FOXJ3: variants seen among roughly 807,000 people sequenced by gnomAD.
FOXJ3 encodes the protein forkhead box J3.
A neutral mutation model predicts 76.1 loss-of-function variants in FOXJ3; 22 were observed. The observed-to-expected ratio is 0.29, with a 90% CI of 0.21 to 0.41. FOXJ3 has a LOEUF of 0.41. Among genes scored for constraint, FOXJ3 ranks in the 10% least tolerant of loss-of-function variants. The pLI is 1.00. For missense variants in FOXJ3, 613 were observed against 762.1 expected, an observed-to-expected ratio of 0.80 and a Z score of 2.30; for synonymous variants, 269 against 261.2, an observed-to-expected ratio of 1.03 and a Z score of -0.29.
intron 1 of FOXJ3, among the ~76,000 whole-genome samples, chr1:42,316,334 T>G (rs112566240): frequency 1.2e-4 from 7 of 60,852 alleles, no homozygotes; most frequent in African/African-American, 4.6e-4. Context: ...GCATTGGGCC[T>G]TTTTTTTTTT....
chr1:42,234,642 T>G (rs1184095869), intron 4 of FOXJ3, among the ~76,000 whole-genome samples: 1 of 152,220 alleles, frequency 6.6e-6, no homozygotes, highest in Non-Finnish European at 1.5e-5. Flanking sequence ...GCTGCAGGTC[T>G]GTTAGAGTTT....
At chr1:42,275,336 A>AC (rs1553165599) in intron 3 of FOXJ3, among the ~76,000 whole-genome samples, 11 of 152,226 alleles carry the variant, frequency 7.2e-5, no homozygotes, top group Non-Finnish European at 1.5e-5. Flanking sequence ...CCCTTCCTCT[A>AC]CATGTATACA....
chr1:42,300,295 T>C (rs1389605466), intron 2 of FOXJ3, among the ~76,000 whole-genome samples: 1 of 152,238 alleles, frequency 6.6e-6, no homozygotes, highest in Non-Finnish European at 1.5e-5. Flanking sequence ...AACTGCTTTA[T>C]AGACTCGGTG....
intron 2 of FOXJ3, among the ~76,000 whole-genome samples, chr1:42,296,411 T>C (rs1355882296): frequency 1.3e-5 from 2 of 152,256 alleles, no homozygotes; most frequent in Non-Finnish European, 2.9e-5. Flanking sequence ...AGTTTTCTTC[T>C]AGGACTTTTA....
intron 4 of FOXJ3, among the ~76,000 whole-genome samples, chr1:42,231,170 C>CA (rs1648068439): frequency 1.3e-5 from 2 of 148,346 alleles, no homozygotes; most frequent in African/African-American, 5.0e-5. Context: ...AAAAAAAATA[C>CA]AAAAAATTAG....
intron 2 of FOXJ3, among the ~76,000 whole-genome samples, chr1:42,288,723 G>A (rs1653223114): frequency 1.3e-5 from 2 of 152,134 alleles, no homozygotes; most frequent in Admixed American, 6.5e-5. Flanking sequence ...CTCATACAGT[G>A]TATAGTAGAG....
At chr1:42,319,919 T>C (rs1032693303) in intron 1 of FOXJ3, among the ~76,000 whole-genome samples, 7 of 152,218 alleles carry the variant, frequency 4.6e-5, no homozygotes, top group African/African-American at 1.7e-4. Context: ...TCCACTATTT[T>C]TAAACCATAT....
chr1:42,277,893 C>T (rs1025202214), intron 3 of FOXJ3, among the ~76,000 whole-genome samples: 2 of 145,918 alleles, frequency 1.4e-5, no homozygotes, highest in Admixed American at 7.0e-5. Flanking sequence ...AGGAGAATGG[C>T]GTGAACCCAG....
intron 4 of FOXJ3, among the ~76,000 whole-genome samples, chr1:42,250,236 A>T (rs781447498): frequency 3.3e-5 from 5 of 152,180 alleles, no homozygotes; most frequent in Non-Finnish European, 7.3e-5. Flanking sequence ...CAACTCTTCT[A>T]ATTATTTTGT....
chr1:42,286,272 C>T (rs1460866714), intron 2 of FOXJ3, among the ~76,000 whole-genome samples: 1 of 152,038 alleles, frequency 6.6e-6, no homozygotes, highest in African/African-American at 2.4e-5. Flanking sequence ...TAGTTATATA[C>T]AACCCAAATC....
intron 5 of FOXJ3, 148 bp downstream of exon 5, chr1:42,227,735 A>C: frequency 2.3e-6 from 1 of 430,042 alleles, no homozygotes; most frequent in Non-Finnish European, 4.1e-6. Context: ...AATGAGTCTG[A>C]AAAGTGTTCT....
intron 6 of FOXJ3, among the ~76,000 whole-genome samples, chr1:42,201,018 C>G (rs144042712): frequency 6.6e-6 from 1 of 152,192 alleles, no homozygotes; most frequent in Non-Finnish European, 1.5e-5. Flanking sequence ...TAGAGTTCAT[C>G]TTTCATTTAA....
chr1:42,226,819 C>T (rs1489951655), intron 5 of FOXJ3, among the ~76,000 whole-genome samples: 3 of 152,192 alleles, frequency 2.0e-5, no homozygotes, highest in Admixed American at 2.0e-4. Context: ...ACCTCATGAA[C>T]TCATGTGATC....
upstream of FOXJ3, chr1:42,335,277 C>CCTGCGGCGTCG (rs1419163212): frequency 6.6e-6 from 1 of 152,186 alleles, no homozygotes; most frequent in African/African-American, 2.4e-5. Context: ...GCCACCGCCT[C>CCTGCGGCGTCG]CTGCGGCGTC....
In FOXJ3 at chr1:42,187,670, C is replaced by A. The variant is rs187733721; in HGVS notation, c.1645+1067G>T. On this transcript the variant is annotated intron_variant, in intron 11 of 12. Coordinates refer to ENST00000361346, the MANE Select transcript of FOXJ3 (RefSeq NM_014947.5). ...TCAGAAAGATACCAAAAAGAACTAA[C>A]AAAAGGAGAGAGAGAGAGAGACAAA... Among the ~76,000 whole-genome samples the A allele has an allele frequency of 1.4e-4, 21 of 152,008 alleles. No homozygotes were observed. The East Asian group carries it at 3.9e-3, about 28-fold the overall frequency.
intron 6 of FOXJ3, among the ~76,000 whole-genome samples, chr1:42,202,770 A>G (rs1321512898): frequency 2.6e-5 from 4 of 152,168 alleles, no homozygotes; most frequent in Non-Finnish European, 5.9e-5. Flanking sequence ...ACCTGGCCTC[A>G]AGTGATCCAC....
chr1:42,279,676 T>C (rs959399651), intron 2 of FOXJ3, among the ~76,000 whole-genome samples: 2 of 152,136 alleles, frequency 1.3e-5, no homozygotes, highest in African/African-American at 4.8e-5. Context: ...ATTGGAATTG[T>C]TAACTTTCAG....
chr1:42,308,526 C>T (rs1654604016), intron 2 of FOXJ3, among the ~76,000 whole-genome samples: 1 of 152,026 alleles, frequency 6.6e-6, no homozygotes. Context: ...AGGTGGACCA[C>T]ACAGAATATT....
intron 5 of FOXJ3, among the ~76,000 whole-genome samples, chr1:42,211,394 G>C (rs994321244): frequency 1.3e-5 from 2 of 152,006 alleles, no homozygotes. Flanking sequence ...ATCTGGTCAG[G>C]AGTGTGACTG....
Sources: allele counts gnomAD v4.1 joint callset (sites outside exome capture counted in the v4.1 genomes callset), GRCh38; gene constraint gnomAD v4.1.1; transcripts MANE v1.5; gene names NCBI Gene and HGNC (gene_info 2026-07-23, HGNC 2026-07-21).